The following BZW1 variants were observed in gnomAD, a reference collection of about 807,000 sequenced individuals.
BZW1 encodes the protein eIF5-mimic protein 2.
BZW1 carries 3 observed loss-of-function variants against 54.1 expected under a neutral mutation model. That is an observed-to-expected ratio of 0.06 (90% CI 0.03 to 0.14). BZW1 has a LOEUF of 0.14. Among genes scored for constraint, BZW1 ranks in the 10% least tolerant of loss-of-function variants. The pLI is 1.00. For missense variants in BZW1, 206 were observed against 491.7 expected (o/e 0.42, Z 5.50); for synonymous variants, 152 against 162.7 (o/e 0.93, Z 0.50).
intron 2 of BZW1, 98 bp from the exon 3 acceptor site, chr2:200,815,243 C>CT: frequency 8.1e-7 from 1 of 1,238,682 alleles, no homozygotes; most frequent in Non-Finnish European, 1.1e-6. Flanking sequence ...TGAATTTAAT[C>CT]TAACTTATTT....
chr2:200,814,011 AT>A (rs2038194854), intron 2 of BZW1, among the ~76,000 whole-genome samples: 1 of 152,176 alleles, frequency 6.6e-6, no homozygotes, highest in South Asian at 2.1e-4. Flanking sequence ...ATTTTGAGAT[AT>A]ATATTGTAGA....
chr2:200,819,766 C>T (rs1048390280), intron 9 of BZW1, among the ~76,000 whole-genome samples: 1 of 152,036 alleles, frequency 6.6e-6, no homozygotes, highest in East Asian at 1.9e-4. Flanking sequence ...GAACTCCTGA[C>T]CTCAAGTGAT....
At chr2:200,819,386 C>T (rs1356340163) in intron 9 of BZW1, among the ~76,000 whole-genome samples, 1 of 151,368 alleles carries the variant, frequency 6.6e-6, no homozygotes, top group Non-Finnish European at 1.5e-5. Context: ...GAGATCCTGC[C>T]TCAAAAAAAA....
chr2:200,815,231 T>G, intron 2 of BZW1, 110 bp from the exon 3 acceptor site: 2 of 1,124,206 alleles, frequency 1.8e-6, no homozygotes, highest in Non-Finnish European at 2.5e-6. Context: ...ATGCAAAGGA[T>G]GTGAATTTAA....
At chr2:200,820,293 C>A in intron 10 of BZW1, 173 bp downstream of exon 10, 1 of 506,242 alleles carries the variant, frequency 2.0e-6, no homozygotes, top group Non-Finnish European at 3.4e-6. Flanking sequence ...TTGTTTAAAA[C>A]ATCTAAACCC....
intron 2 of BZW1, among the ~76,000 whole-genome samples, chr2:200,814,012 T>C (rs377629844): frequency 7.9e-5 from 12 of 152,204 alleles, no homozygotes; most frequent in African/African-American, 1.9e-4. Context: ...TTTTGAGATA[T>C]ATATTGTAGA....
rs975301276 is a variant in BZW1 at position 200,812,194 on chromosome 2, A to T, written c.-11+204A>T. On this transcript the variant is annotated intron_variant, in intron 1 of 11. Coordinates refer to ENST00000409600, the MANE Select transcript of BZW1 (RefSeq NM_001207067.2). Reference sequence around the variant, plus strand: ...AGGGGTAGCGGCGGCCCGGGTGGGGAGGTGGGGTCCGGGTGTGCGCCGCGG... The same window carrying T: ...AGGGGTAGCGGCGGCCCGGGTGGGGTGGTGGGGTCCGGGTGTGCGCCGCGG... 4.1e-6 allele frequency: 5 copies of T among 1,210,392 alleles called. No homozygotes were observed. The African/African-American group carries it at 7.9e-5, about 19-fold the overall frequency. 75.0% of individuals were successfully genotyped at this position (1,210,392 alleles called of 1,614,324 possible).
At chr2:200,819,100 A>C in intron 9 of BZW1, 199 bp downstream of exon 9, 1 of 640,340 alleles carries the variant, frequency 1.6e-6, no homozygotes, top group Non-Finnish European at 2.5e-6. Context: ...TAAAAACAAG[A>C]ATATGGCCTG....
At chr2:200,817,894 A>T (rs1422250449) in intron 6 of BZW1, 80 bp from the exon 7 acceptor site, 1 of 978,248 alleles carries the variant, frequency 1.0e-6, no homozygotes, top group Non-Finnish European at 1.5e-6. Context: ...TGATTGAACT[A>T]TGAAGGGAAG....
At chr2:200,820,308 C>G in intron 10 of BZW1, 188 bp downstream of exon 10, 1 of 452,314 alleles carries the variant, frequency 2.2e-6, no homozygotes, top group Non-Finnish European at 3.8e-6. Flanking sequence ...AAACCCTATT[C>G]ACAAGTTGAA....
At chr2:200,820,742 C>A (rs576043370) in intron 10 of BZW1, among the ~76,000 whole-genome samples, 1 of 152,252 alleles carries the variant, frequency 6.6e-6, no homozygotes, top group African/African-American at 2.4e-5. Context: ...GCTATGTAGT[C>A]ATAGCTCTGG....
rs1559318394 is a variant in BZW1, at chr2:200,826,407, A to AGATAGATAGATAGATAGATTTT, written c.*4229_*4230insGATAGATAGATAGATAGATTTT. ...TAGATAGATAGATAGATAGATAGAT[A>AGATAGATAGATAGATAGATTTT]TTTTTTTTTTTTTTTTTTTTTTTTT... On this transcript the variant is annotated 3_prime_UTR_variant, in exon 12 of 12. Transcript: ENST00000409600. 1.8e-5 allele frequency: 1 copy of AGATAGATAGATAGATAGATTTT among 54,946 alleles called. No homozygotes were observed. Among genetic ancestry groups the AGATAGATAGATAGATAGATTTT allele is most frequent in the Non-Finnish European group, 3.3e-5 (1 of 30,420 alleles). 3.4% of individuals were successfully genotyped at this position (54,946 alleles called of 1,614,324 possible).
intron 2 of BZW1, among the ~76,000 whole-genome samples, chr2:200,813,578 G>A (rs1036099640): frequency 3.3e-5 from 5 of 152,176 alleles, no homozygotes; most frequent in African/African-American, 1.2e-4. Context: ...CTAGCAGGCA[G>A]TCTCATTTAA....
At chr2:200,816,768 G>T (rs1036548235) in intron 5 of BZW1, among the ~76,000 whole-genome samples, 4 of 152,184 alleles carry the variant, frequency 2.6e-5, no homozygotes, top group Non-Finnish European at 5.9e-5. Context: ...GGTTATAGGT[G>T]TGAGCCAACA....
intron 2 of BZW1, among the ~76,000 whole-genome samples, chr2:200,813,847 T>C (rs2038186041): frequency 6.6e-6 from 1 of 152,204 alleles, no homozygotes; most frequent in Admixed American, 6.5e-5. Flanking sequence ...GCTAGTGATA[T>C]AAAGCTAAAT....
chr2:200,813,408 C>A, intron 2 of BZW1, 127 bp downstream of exon 2: 1 of 787,164 alleles, frequency 1.3e-6, no homozygotes, highest in Non-Finnish European at 2.0e-6. Flanking sequence ...ACTTGAATTT[C>A]TCGTTGACTG....
intron 1 of BZW1, 27 bp downstream of exon 1, chr2:200,812,017 G>T (rs982190780): frequency 2.6e-6 from 1 of 388,120 alleles, no homozygotes; most frequent in East Asian, 3.8e-5. Flanking sequence ...CGCTCACCCC[G>T]GGCGGACGCT....
Position 200,820,101 on chromosome 2 carries a change from A to T in BZW1, c.1086A>T (p.Ile362=). 5 of 1,548,192 alleles carry T rather than the reference A, an allele frequency of 3.2e-6. No homozygotes were observed. The highest frequency in any genetic ancestry group is 3.5e-6 in the Non-Finnish European group (4 of 1,147,678). ...NIHFMKAFQK[I]VVLFYKAEVL... is the part of the protein sequence containing the mutation. Reference sequence around the variant, plus strand: ...ATTTCATGAAAGCCTTCCAGAAAATAGTGGTGCTTTTTTATAAAGGTAATT... The same window carrying T: ...ATTTCATGAAAGCCTTCCAGAAAATTGTGGTGCTTTTTTATAAAGGTAATT... The change falls in exon 10 of 12, where the codon ATA becomes ATT. Residue 362 remains isoleucine, a synonymous_variant. Coordinates refer to ENST00000409600, the MANE Select transcript of BZW1 (RefSeq NM_001207067.2).
Position 200,818,774 on chromosome 2 carries a change from A to C in BZW1, c.839A>C (p.Glu280Ala). The C allele has an allele frequency of 6.3e-7, 1 of 1,586,112 alleles. No individual in the cohort carries two copies. The highest frequency in any genetic ancestry group is 8.5e-7 in the Non-Finnish European group (1 of 1,173,332). The change falls in exon 9 of 12, where the codon GAG becomes GCG. Residue 280 changes from glutamate to alanine, a missense_variant. Around this residue, in one of 5 missense-constraint regions of BZW1, gnomAD observed 31 missense variants for 29.1 expected, o/e 1.07. Coordinates refer to ENST00000409600, the MANE Select transcript of BZW1 (RefSeq NM_001207067.2). ...PFKDIILYVKEEMKKNNIPEP... is the reference protein window; with the variant it reads ...PFKDIILYVKAEMKKNNIPEP... ...TTGCAGATAATTTTATATGTCAAGG[A>C]GGAGATGAAAAAAAACAACATCCCA...
Sources: gnomAD v4.1 joint callset for allele counts (sites outside exome capture counted in the v4.1 genomes callset) on GRCh38, gnomAD v4.1.1 for gene constraint, gnomAD v4.1.1 regional missense constraint, MANE v1.5 for transcripts, NCBI Gene and HGNC (gene_info 2026-07-23, HGNC 2026-07-21) for gene names.